SPOCK1: variants seen among roughly 807,000 people sequenced by gnomAD.
The protein encoded by SPOCK1 is SPARC (osteonectin), cwcv and kazal like domains proteoglycan 1.
In SPOCK1, 23 loss-of-function variants were observed where a neutral mutation model predicts 55.3. The observed-to-expected ratio is 0.42, with a 90% confidence interval of 0.30 to 0.59. The LOEUF (loss-of-function observed/expected upper bound fraction) is 0.59. SPOCK1 is among the 20% of genes least tolerant of loss of function. The probability of loss-of-function intolerance (pLI) is 0.22; values close to 1 mark genes in which losing one functional copy is unlikely to be tolerated. For synonymous variants in SPOCK1, 226 were observed against 221.0 expected (o/e 1.02, Z -0.20); for missense variants, 499 against 552.5 (o/e 0.90, Z 0.97).
intron 5 of SPOCK1, among the ~76,000 whole-genome samples, chr5:137,086,983 G>C (rs1381458645): frequency 2.0e-5 from 3 of 152,174 alleles, no homozygotes; most frequent in African/African-American, 7.2e-5. Flanking sequence ...ATACAAGATA[G>C]AGCTGAGACT....
intron 2 of SPOCK1, among the ~76,000 whole-genome samples, chr5:137,492,508 T>A (rs1186086238): frequency 6.6e-6 from 1 of 152,224 alleles, no homozygotes; most frequent in Non-Finnish European, 1.5e-5. Flanking sequence ...TTCTTAGAAT[T>A]TTTTAGTTAT....
chr5:137,492,334 A>G (rs1754199051), intron 2 of SPOCK1, among the ~76,000 whole-genome samples: 1 of 152,178 alleles, frequency 6.6e-6, no homozygotes, highest in African/African-American at 2.4e-5. Flanking sequence ...GAACATGAAA[A>G]CTATGATGAT....
At chr5:137,391,622 C>G (rs531173191) in intron 2 of SPOCK1, among the ~76,000 whole-genome samples, 1 of 152,090 alleles carries the variant, frequency 6.6e-6, no homozygotes, top group Non-Finnish European at 1.5e-5. Flanking sequence ...CCACCAAACC[C>G]CCGATTCACT....
At chr5:137,123,155 A>G (rs1753719436) in intron 4 of SPOCK1, among the ~76,000 whole-genome samples, 1 of 152,174 alleles carries the variant, frequency 6.6e-6, no homozygotes. Context: ...CCGCACCATT[A>G]CTTATCCCCT....
At chr5:137,122,608 A>G (rs1288325622) in intron 4 of SPOCK1, among the ~76,000 whole-genome samples, 1 of 152,188 alleles carries the variant, frequency 6.6e-6, no homozygotes, top group East Asian at 1.9e-4. Context: ...GGACACACCA[A>G]TTGGAAAAAA....
At chr5:137,266,960 G>A (rs752765491) in intron 3 of SPOCK1, 50 bp downstream of exon 3, 4 of 1,537,556 alleles carry the variant, frequency 2.6e-6, no homozygotes, top group Admixed American at 1.7e-5. Flanking sequence ...AAGGAAAAAT[G>A]AGACCACATT....
chr5:137,153,787 G>A (rs1403961427), intron 3 of SPOCK1, among the ~76,000 whole-genome samples: 4 of 151,956 alleles, frequency 2.6e-5, no homozygotes, highest in African/African-American at 9.7e-5. Flanking sequence ...GAGCCCAGGA[G>A]GTCAAGGCTG....
intron 6 of SPOCK1, among the ~76,000 whole-genome samples, chr5:137,044,898 G>GT (rs1490442637): frequency 3.2e-4 from 47 of 145,418 alleles, no homozygotes; most frequent in Middle Eastern, 3.4e-3. Flanking sequence ...GCGGTGTTTG[G>GT]TTTTTTGTTC....
chr5:137,233,618 T>G (rs571726157), intron 3 of SPOCK1, among the ~76,000 whole-genome samples: 165 of 152,084 alleles, frequency 1.1e-3, no homozygotes, highest in Non-Finnish European at 1.6e-3. Context: ...ATACATGTCT[T>G]AAGTGTATAT....
intron 2 of SPOCK1, among the ~76,000 whole-genome samples, chr5:137,466,332 A>G (rs2149838600): frequency 6.6e-6 from 1 of 152,342 alleles, no homozygotes; most frequent in African/African-American, 2.4e-5. Flanking sequence ...AAATAAAACA[A>G]CAGCTGGATC....
chr5:137,412,176 C>T (rs990019334), intron 2 of SPOCK1, among the ~76,000 whole-genome samples: 3 of 152,214 alleles, frequency 2.0e-5, no homozygotes, highest in Non-Finnish European at 1.5e-5. Flanking sequence ...GGCCCACAAG[C>T]CCCACTCCAC....
intron 1 of SPOCK1, 144 bp from the exon 2 acceptor site, chr5:137,498,702 G>A (rs1754364322): frequency 3.8e-6 from 2 of 523,898 alleles, no homozygotes; most frequent in Non-Finnish European, 5.3e-6. Context: ...GGCGCCTGTC[G>A]CGCCTCTAGA....
intron 2 of SPOCK1, among the ~76,000 whole-genome samples, chr5:137,452,530 GA>G (rs1430980193): frequency 6.6e-6 from 1 of 152,164 alleles, no homozygotes; most frequent in Non-Finnish European, 1.5e-5. Context: ...AGTTTTGAAA[GA>G]ACTCATCTTT....
At chr5:137,378,929 C>G (rs1369535530) in intron 2 of SPOCK1, among the ~76,000 whole-genome samples, 1 of 152,138 alleles carries the variant, frequency 6.6e-6, no homozygotes, top group Non-Finnish European at 1.5e-5. Flanking sequence ...TGGAGCCAGA[C>G]GTAGGAAATC....
intron 3 of SPOCK1, among the ~76,000 whole-genome samples, chr5:137,192,160 C>G (rs967436863): frequency 6.8e-6 from 1 of 148,032 alleles, no homozygotes; most frequent in Non-Finnish European, 1.5e-5. Context: ...ATTGCTTGAA[C>G]CCGGGAGGTG....
intron 6 of SPOCK1, among the ~76,000 whole-genome samples, chr5:137,005,058 T>C (rs988113751): frequency 2.0e-5 from 3 of 152,126 alleles, no homozygotes; most frequent in Non-Finnish European, 4.4e-5. Flanking sequence ...AAAGTACCAC[T>C]TGGGTCTGGC....
At chr5:137,405,110 C>T (rs952050635) in intron 2 of SPOCK1, among the ~76,000 whole-genome samples, 1 of 152,160 alleles carries the variant, frequency 6.6e-6, no homozygotes, top group Non-Finnish European at 1.5e-5. Flanking sequence ...AGAAAATTTC[C>T]TGAGAAACCC....
At chr5:137,378,974 C>T (rs987273336) in intron 2 of SPOCK1, among the ~76,000 whole-genome samples, 3 of 152,160 alleles carry the variant, frequency 2.0e-5, no homozygotes, top group East Asian at 1.9e-4. Flanking sequence ...CAGGGCTCCA[C>T]GGGGTTGGCT....
chr5:137,342,838 G>C (rs17171361), intron 2 of SPOCK1, among the ~76,000 whole-genome samples: 1 of 152,126 alleles, frequency 6.6e-6, no homozygotes, highest in African/African-American at 2.4e-5. Flanking sequence ...TGCCCTTTTT[G>C]TTCCTCCTGG....
Sources: gnomAD v4.1 joint callset for allele counts (sites outside exome capture counted in the v4.1 genomes callset) on GRCh38, gnomAD v4.1.1 for gene constraint, MANE v1.5 for transcripts, NCBI Gene and HGNC (gene_info 2026-07-23, HGNC 2026-07-21) for gene names.